Variants in FAF1 observed in about 807,000 individuals in gnomAD.
FAF1 encodes the protein Fas associated factor 1.
Under a neutral mutation model 92.5 loss-of-function variants are expected in FAF1, and 25 were observed. That is an observed-to-expected ratio of 0.27 (90% CI 0.20 to 0.38). FAF1 has a LOEUF of 0.38. Among genes scored for constraint, FAF1 ranks in the 10% least tolerant of loss-of-function variants. The probability of loss-of-function intolerance (pLI) is 1.00; values close to 1 mark genes in which losing one functional copy is unlikely to be tolerated. For missense variants in FAF1, 636 were observed against 793.3 expected (o/e 0.80, Z 2.38); for synonymous variants, 234 against 273.2 (o/e 0.86, Z 1.42).
At position 50,697,632 on chromosome 1, in the gene FAF1, G is replaced by A. The variant is rs370614231; in HGVS notation, c.657+8154C>T. On this transcript the variant is annotated intron_variant, in intron 7 of 18. Coordinates refer to ENST00000396153, the MANE Select transcript of FAF1 (RefSeq NM_007051.3). ...GTCAGTGTCAAAATTAAACAATGCC[G>A]GCTTTGCAATGAGCAGATGCTTTTG... Among the ~76,000 whole-genome samples, 34 of 152,072 alleles carry A rather than the reference G, an allele frequency of 2.2e-4. 1 individual carries two copies. The highest frequency in any genetic ancestry group is 5.9e-5 in the Non-Finnish European group (4 of 68,030).
At chr1:50,903,045 T>C (rs1239104362) in intron 1 of FAF1, among the ~76,000 whole-genome samples, 2 of 152,142 alleles carry the variant, frequency 1.3e-5, no homozygotes, top group Non-Finnish European at 2.9e-5. Context: ...GACTATAATT[T>C]TGTTTACATA....
At chr1:50,863,677 G>A (rs928476592) in intron 1 of FAF1, among the ~76,000 whole-genome samples, 1 of 151,900 alleles carries the variant, frequency 6.6e-6, no homozygotes, top group Non-Finnish European at 1.5e-5. Context: ...TTTTGGTTGT[G>A]TCTCTGCCCG....
At chr1:50,690,998 CA>C (rs1247288929) in intron 7 of FAF1, among the ~76,000 whole-genome samples, 1 of 152,170 alleles carries the variant, frequency 6.6e-6, no homozygotes, top group African/African-American at 2.4e-5. Flanking sequence ...TGGACTTCCA[CA>C]TTTTGGCTAT....
At chr1:50,741,909 G>T (rs1389837960) in intron 5 of FAF1, among the ~76,000 whole-genome samples, 1 of 152,178 alleles carries the variant, frequency 6.6e-6, no homozygotes, top group African/African-American at 2.4e-5. Context: ...TACCAGTTTG[G>T]ATATGTGAAT....
chr1:50,656,047 C>G (rs552718918), intron 7 of FAF1, among the ~76,000 whole-genome samples: 1 of 152,002 alleles, frequency 6.6e-6, no homozygotes, highest in African/African-American at 2.4e-5. Context: ...TAAAGTAGCA[C>G]AGGGCCGGGG....
At chr1:50,774,954 A>G (rs1660902573) in intron 4 of FAF1, among the ~76,000 whole-genome samples, 1 of 152,076 alleles carries the variant, frequency 6.6e-6, no homozygotes, top group South Asian at 2.1e-4. Flanking sequence ...TGAAATTACC[A>G]CTAGGTGTCA....
At chr1:50,474,215 A>C (rs919078866) in intron 18 of FAF1, among the ~76,000 whole-genome samples, 2 of 152,200 alleles carry the variant, frequency 1.3e-5, no homozygotes, top group South Asian at 2.1e-4. Context: ...CCTCTTTTAC[A>C]AGGCACGCCT....
intron 7 of FAF1, among the ~76,000 whole-genome samples, chr1:50,676,285 T>C (rs574896718): frequency 1.3e-5 from 2 of 152,028 alleles, no homozygotes; most frequent in African/African-American, 4.8e-5. Flanking sequence ...CAGGCAGCTG[T>C]AATCCCAGCT....
At chr1:50,656,147 C>T (rs1333858732) in intron 7 of FAF1, among the ~76,000 whole-genome samples, 2 of 152,062 alleles carry the variant, frequency 1.3e-5, no homozygotes, top group Non-Finnish European at 2.9e-5. Context: ...GTCTGGCCAA[C>T]ATGGTGAAAC....
intron 12 of FAF1, among the ~76,000 whole-genome samples, chr1:50,576,832 CTTT>C (rs34718011): frequency 2.1e-5 from 3 of 140,638 alleles, no homozygotes. Context: ...GTTCGTTTTT[CTTT>C]TTTTTTTTTT....
chr1:50,589,355 A>G (rs1651393770), intron 9 of FAF1, among the ~76,000 whole-genome samples: 1 of 152,002 alleles, frequency 6.6e-6, no homozygotes, highest in South Asian at 2.1e-4. Flanking sequence ...TCTGCTGAGG[A>G]GGGATTCTAG....
chr1:50,486,790 T>C (rs760717387), intron 17 of FAF1, among the ~76,000 whole-genome samples: 1 of 152,194 alleles, frequency 6.6e-6, no homozygotes, highest in Non-Finnish European at 1.5e-5. Flanking sequence ...ATTAACTAAA[T>C]ATTTGCTAAA....
At chr1:50,620,998 C>T (rs1280214361) in intron 8 of FAF1, among the ~76,000 whole-genome samples, 1 of 152,204 alleles carries the variant, frequency 6.6e-6, no homozygotes, top group Non-Finnish European at 1.5e-5. Context: ...GGAGATATGC[C>T]GCACACTTTC....
Position 50,539,694 on chromosome 1 carries a change from C to T in FAF1, c.1303G>A (p.Val435Ile). Residue 435 changes from valine (V) to isoleucine (I), a missense_variant, in exon 14 of 19, where the codon GTT becomes ATT. By Grantham distance (29) the Val-to-Ile change is conservative. This residue lies in a region of FAF1 where 319 missense variants were observed against 451.0 expected (regional missense o/e 0.71). Coordinates refer to ENST00000396153, the MANE Select transcript of FAF1 (RefSeq NM_007051.3). ...TGAGTCCGAATGGTTTGTGCCACAA[C>T]ACTGCCAAAGTGTCTATTGCACATA... ...LTMCNRHFGS[V>I]VAQTIRTQKT... 3.7e-6 allele frequency: 6 copies of T among 1,612,626 alleles called. No homozygotes were observed. The highest frequency in any genetic ancestry group is 5.1e-6 in the Non-Finnish European group (6 of 1,178,826).
intron 8 of FAF1, among the ~76,000 whole-genome samples, chr1:50,648,600 C>T (rs551130022): frequency 3.3e-5 from 5 of 152,212 alleles, no homozygotes; most frequent in Admixed American, 3.3e-4. Flanking sequence ...GTAAGCAAGG[C>T]TGAATGTGAT....
chr1:50,952,964 TG>T (rs1192514374), intron 1 of FAF1, among the ~76,000 whole-genome samples: 1 of 152,144 alleles, frequency 6.6e-6, no homozygotes, highest in Non-Finnish European at 1.5e-5. Context: ...GGGGGAAATG[TG>T]GGGAAAAGAA....
intron 1 of FAF1, among the ~76,000 whole-genome samples, chr1:50,894,682 C>A (rs1644745335): frequency 6.6e-6 from 1 of 151,566 alleles, no homozygotes; most frequent in Non-Finnish European, 1.5e-5. Context: ...TCTCTGACCA[C>A]AATGGAATAA....
intron 2 of FAF1, among the ~76,000 whole-genome samples, chr1:50,819,585 C>A (rs930256317): frequency 3.4e-5 from 5 of 147,602 alleles, no homozygotes; most frequent in Admixed American, 6.8e-5. Flanking sequence ...ATAATCACAC[C>A]ACCATACTCC....
chr1:50,593,303 A>G (rs1179217033), intron 9 of FAF1, among the ~76,000 whole-genome samples: 1 of 152,168 alleles, frequency 6.6e-6, no homozygotes, highest in Non-Finnish European at 1.5e-5. Flanking sequence ...TGCTGATGGG[A>G]CCACCCAAAT....
Sources: gnomAD v4.1 joint callset for allele counts (sites outside exome capture counted in the v4.1 genomes callset) on GRCh38, gnomAD v4.1.1 for gene constraint, gnomAD v4.1.1 regional missense constraint, MANE v1.5 for transcripts, NCBI Gene and HGNC (gene_info 2026-07-23, HGNC 2026-07-21) for gene names.